The following EPB41L3 variants were observed in gnomAD, a reference collection of about 807,000 sequenced individuals.
EPB41L3 encodes band 4.1-like protein 3.
A neutral mutation model predicts 127.1 loss-of-function variants in EPB41L3; 57 were observed. The observed-to-expected ratio is 0.45, with a 90% CI of 0.36 to 0.56. The LOEUF (loss-of-function observed/expected upper bound fraction) is 0.56. Among genes scored for constraint, EPB41L3 ranks in the 20% least tolerant of loss-of-function variants. The probability of loss-of-function intolerance (pLI) is 0.00; values close to 1 mark genes in which losing one functional copy is unlikely to be tolerated. For synonymous variants in EPB41L3, 572 were observed against 549.5 expected (o/e 1.04, Z -0.57); for missense variants, 1,273 against 1,372.2 (o/e 0.93, Z 1.14).
At chr18:5,625,803 G>A (rs887869028) in intron 1 of EPB41L3, among the ~76,000 whole-genome samples, 25 of 152,132 alleles carry the variant, frequency 1.6e-4, no homozygotes, top group African/African-American at 5.1e-4. Context: ...AGGATTTGGT[G>A]GCTCAGAGAT....
chr18:5,453,564 A>T (rs1206063605), intron 3 of EPB41L3, among the ~76,000 whole-genome samples: 2 of 152,210 alleles, frequency 1.3e-5, no homozygotes, highest in African/African-American at 4.8e-5. Context: ...GAGAGCTACA[A>T]TATTGAAAAT....
chr18:5,486,497 A>AT (rs2089775541), intron 2 of EPB41L3, among the ~76,000 whole-genome samples: 1 of 152,170 alleles, frequency 6.6e-6, no homozygotes, highest in South Asian at 2.1e-4. Flanking sequence ...ATGGGATTAC[A>AT]TGCAGCCAAA....
intron 13 of EPB41L3, among the ~76,000 whole-genome samples, chr18:5,413,517 A>C (rs1026004385): frequency 1.1e-4 from 17 of 152,216 alleles, no homozygotes; most frequent in African/African-American, 4.8e-5. Context: ...TGGCAAAACG[A>C]AAGTGACAAG....
At chr18:5,454,931 T>G (rs921812773) in intron 3 of EPB41L3, among the ~76,000 whole-genome samples, 1 of 152,250 alleles carries the variant, frequency 6.6e-6, no homozygotes, top group South Asian at 2.1e-4. Context: ...CTTCCCATTA[T>G]TCAAGTGCAG....
At chr18:5,497,989 T>G (rs1170886736) in intron 1 of EPB41L3, among the ~76,000 whole-genome samples, 8 of 152,216 alleles carry the variant, frequency 5.3e-5, no homozygotes. Context: ...TATCAGAAAC[T>G]TGCTATTAAA....
chr18:5,620,477 A>T (rs1254658515), intron 1 of EPB41L3, among the ~76,000 whole-genome samples: 1 of 152,206 alleles, frequency 6.6e-6, no homozygotes, highest in Non-Finnish European at 1.5e-5. Context: ...TCACACATAC[A>T]CTTCAGCCAT....
upstream of EPB41L3, among the ~76,000 whole-genome samples, chr18:5,548,245 C>G (rs1209686864): frequency 6.6e-6 from 1 of 152,186 alleles, no homozygotes; most frequent in Non-Finnish European, 1.5e-5. Flanking sequence ...CAAGCTTATT[C>G]TTCTGAAATA....
chr18:5,437,150 C>A (rs1483582195), intron 6 of EPB41L3, among the ~76,000 whole-genome samples: 1 of 152,124 alleles, frequency 6.6e-6, no homozygotes, highest in Non-Finnish European at 1.5e-5. Context: ...CCCTCCAAAT[C>A]CATATGTTCG....
chr18:5,426,475 G>A (rs2078201619), intron 9 of EPB41L3, among the ~76,000 whole-genome samples: 1 of 152,072 alleles, frequency 6.6e-6, no homozygotes, highest in Admixed American at 6.6e-5. Context: ...TATTCCCACA[G>A]CCTCTGCCCT....
At chr18:5,432,804 A>G (rs1428029240) in intron 8 of EPB41L3, among the ~76,000 whole-genome samples, 2 of 152,226 alleles carry the variant, frequency 1.3e-5, no homozygotes, top group Admixed American at 6.5e-5. Flanking sequence ...ATCGATCACC[A>G]GTCAACGAAG....
At chr18:5,611,832 AC>A (rs1368975184) in intron 3 of EPB41L3, among the ~76,000 whole-genome samples, 1 of 151,998 alleles carries the variant, frequency 6.6e-6, no homozygotes, top group East Asian at 1.9e-4. Context: ...TTTAGTAGAG[AC>A]AGGGTACTTC....
upstream of EPB41L3, chr18:5,630,550 G>T (rs560953570): frequency 6.2e-4 from 319 of 516,298 alleles, 4 homozygotes; most frequent in South Asian, 4.0e-3. Context: ...TCTCGGGCTC[G>T]GCGGCGGGAA....
At chr18:5,415,166 C>T (rs2076646601) in intron 13 of EPB41L3, among the ~76,000 whole-genome samples, 1 of 152,202 alleles carries the variant, frequency 6.6e-6, no homozygotes, top group Admixed American at 6.5e-5. Context: ...GCACTGCATG[C>T]CGTTGCTTCT....
At chr18:5,452,168 C>T (rs898043755) in intron 3 of EPB41L3, among the ~76,000 whole-genome samples, 7 of 151,976 alleles carry the variant, frequency 4.6e-5, no homozygotes, top group South Asian at 2.1e-4. Flanking sequence ...TTAAATATAC[C>T]CAGGTAATGC....
At chr18:5,578,105 G>A (rs562002943) in intron 3 of EPB41L3, among the ~76,000 whole-genome samples, 1 of 151,106 alleles carries the variant, frequency 6.6e-6, no homozygotes, top group African/African-American at 2.5e-5. Flanking sequence ...TCCAGGGTTG[G>A]GGGGGTGGCG....
At chr18:5,440,626 A>C (rs1489720703) in intron 5 of EPB41L3, among the ~76,000 whole-genome samples, 2 of 152,228 alleles carry the variant, frequency 1.3e-5, no homozygotes, top group Non-Finnish European at 2.9e-5. Context: ...GATAAATAGA[A>C]AATTATAACA....
At chr18:5,552,543 G>C (rs2093980354) in intron 3 of EPB41L3, among the ~76,000 whole-genome samples, 1 of 152,204 alleles carries the variant, frequency 6.6e-6, no homozygotes, top group African/African-American at 2.4e-5. Context: ...TTGTGTCTAA[G>C]TGACTATAAC....
chr18:5,414,066 T>A (rs949373256), intron 13 of EPB41L3, among the ~76,000 whole-genome samples: 3 of 152,222 alleles, frequency 2.0e-5, no homozygotes, highest in Non-Finnish European at 2.9e-5. Flanking sequence ...AAAACAGCAA[T>A]CTTTTCTGCC....
Position 5,418,104 on chromosome 18 carries a change from AT to A in EPB41L3, c.1506+1606del, listed in dbSNP as rs549895563. ...ACCTTCCATGCTGATTATTAAAGTC[AT>A]TTCTAGAAGACAGCTTTGCACTGGG... On this transcript the variant is annotated intron_variant, in intron 12 of 22. Transcript: ENST00000341928. Among the ~76,000 whole-genome samples the A allele has an allele frequency of 2.8e-4, 42 of 152,350 alleles. 1 individual carries two copies. The East Asian group carries it at 7.5e-3, about 27-fold the overall frequency.
Sources: gnomAD v4.1 joint callset for allele counts (sites outside exome capture counted in the v4.1 genomes callset) on GRCh38, gnomAD v4.1.1 for gene constraint, MANE v1.5 for transcripts, NCBI Gene and HGNC (gene_info 2026-07-23, HGNC 2026-07-21) for gene names.